MTA3: variants seen among roughly 807,000 people sequenced by gnomAD.
MTA3 encodes the protein metastasis-associated protein MTA3.
Under a neutral mutation model 83.5 loss-of-function variants are expected in MTA3, and 34 were observed. That is an observed-to-expected ratio of 0.41 (90% CI 0.31 to 0.54). MTA3 has a LOEUF of 0.54. Among genes scored for constraint, MTA3 ranks in the 20% least tolerant of loss-of-function variants. The pLI is 0.33. For missense variants in MTA3, 761 were observed against 726.4 expected (o/e 1.05, Z -0.55); for synonymous variants, 303 against 252.7 (o/e 1.20, Z -1.89).
chr2:42,656,385 T>A, intron 7 of MTA3, 83 bp downstream of exon 7: 1 of 801,962 alleles, frequency 1.2e-6, no homozygotes, highest in Non-Finnish European at 1.9e-6. Context: ...TATTTCTTTG[T>A]ATTCTGCTTT....
chr2:42,526,145 C>G (rs1041227729), intron 2 of MTA3, among the ~76,000 whole-genome samples: 3 of 152,140 alleles, frequency 2.0e-5, no homozygotes, highest in African/African-American at 7.2e-5. Flanking sequence ...TCCCAAGAGT[C>G]CCATCACCCA....
intron 2 of MTA3, among the ~76,000 whole-genome samples, chr2:42,563,626 C>T (rs898316900): frequency 6.6e-6 from 1 of 151,858 alleles, no homozygotes; most frequent in African/African-American, 2.4e-5. Flanking sequence ...GCCACCACAC[C>T]CAGCTAATGT....
chr2:42,729,094 T>TTTTTTTTG lies in MTA3; in HGVS notation c.1759+6066_1759+6067insGTTTTTTT, dbSNP rs1558626021. The stretch of plus-strand genomic sequence containing the variant: ...TTAGTTTCACAGTTTGAGTTTTTTT[T>TTTTTTTTG]TTTTTTTTTTTTTTTTTTTCACAGA... On this transcript the variant is annotated intron_variant, in intron 16 of 16. Transcript: ENST00000405094. 1.5e-4 allele frequency among the ~76,000 whole-genome samples: 18 copies of TTTTTTTTG among 118,834 alleles called. 1 individual carries two copies. The highest frequency in any genetic ancestry group is 3.0e-4 in the South Asian group (1 of 3,284). 78.0% of individuals were successfully genotyped at this position (118,834 alleles called of 152,430 possible). A position where few individuals can be genotyped will look rare whatever the true frequency, so the allele number is the denominator to read the frequency against.
At chr2:42,672,869 C>T (rs1187282474) in intron 8 of MTA3, among the ~76,000 whole-genome samples, 1 of 130,902 alleles carries the variant, frequency 7.6e-6, no homozygotes, top group African/African-American at 2.9e-5. Context: ...TTTTTTGAGA[C>T]GGAGTCTGCC....
chr2:42,664,630 C>T (rs369793082), intron 8 of MTA3, among the ~76,000 whole-genome samples: 20 of 151,976 alleles, frequency 1.3e-4, no homozygotes, highest in African/African-American at 3.1e-4. Flanking sequence ...TACAGGCGTC[C>T]GCCACCACTG....
At chr2:42,662,826 G>T (rs1161605567) in intron 8 of MTA3, among the ~76,000 whole-genome samples, 1 of 151,778 alleles carries the variant, frequency 6.6e-6, no homozygotes, top group Non-Finnish European at 1.5e-5. Context: ...CCGCTTCCCG[G>T]GTTCAAGTGA....
intron 8 of MTA3, among the ~76,000 whole-genome samples, chr2:42,670,744 C>CTATATA (rs34128430): frequency 1.1e-3 from 161 of 146,046 alleles, no homozygotes; most frequent in Middle Eastern, 3.5e-3. Flanking sequence ...AACTCTAACA[C>CTATATA]TATATATATA....
chr2:42,539,404 A>G (rs1676420607), intron 2 of MTA3, among the ~76,000 whole-genome samples: 2 of 151,910 alleles, frequency 1.3e-5, no homozygotes, highest in Admixed American at 1.3e-4. Context: ...GCCCCTTATA[A>G]AATCATCAGA....
chr2:42,594,697 TAAATATAC>T (rs1233192303), intron 3 of MTA3, among the ~76,000 whole-genome samples: 15 of 82,704 alleles, frequency 1.8e-4, no homozygotes, highest in Non-Finnish European at 3.3e-4. Flanking sequence ...TATACATATA[TAAATATAC>T]ATATATATAT....
chr2:42,570,973 A>G (rs531626033), intron 2 of MTA3, among the ~76,000 whole-genome samples: 24 of 152,124 alleles, frequency 1.6e-4, no homozygotes, highest in Admixed American at 3.3e-4. Flanking sequence ...AGATTGTGCA[A>G]TTGCACCCTA....
At chr2:42,503,437 C>T (rs1572889132) in intron 2 of MTA3, among the ~76,000 whole-genome samples, 1 of 152,120 alleles carries the variant, frequency 6.6e-6, no homozygotes, top group African/African-American at 2.4e-5. Flanking sequence ...CTATCTCAAC[C>T]TGTGACTAAG....
chr2:42,623,950 G>A (rs1026059343), intron 4 of MTA3, among the ~76,000 whole-genome samples: 1 of 152,102 alleles, frequency 6.6e-6, no homozygotes, highest in Admixed American at 6.6e-5. Context: ...GACCTTAGGT[G>A]TGATCCACCC....
At chr2:42,585,120 C>G (rs1226466159) in intron 3 of MTA3, among the ~76,000 whole-genome samples, 1 of 151,678 alleles carries the variant, frequency 6.6e-6, no homozygotes, top group Non-Finnish European at 1.5e-5. Flanking sequence ...CAGAGTTTCG[C>G]TCTTGTTGCC....
At chr2:42,634,468 G>A (rs1382331603) in intron 4 of MTA3, among the ~76,000 whole-genome samples, 2 of 152,150 alleles carry the variant, frequency 1.3e-5, no homozygotes, top group African/African-American at 4.8e-5. Context: ...GAGAGAAGGA[G>A]AAGGAGGAAC....
At chr2:42,727,963 A>G (rs1330189647) in intron 16 of MTA3, among the ~76,000 whole-genome samples, 1 of 152,092 alleles carries the variant, frequency 6.6e-6, no homozygotes, top group Admixed American at 6.5e-5. Flanking sequence ...AGACAGTGCA[A>G]TTTTACTCTT....
At chr2:42,654,225 C>T (rs899682629) in intron 6 of MTA3, among the ~76,000 whole-genome samples, 1 of 152,186 alleles carries the variant, frequency 6.6e-6, no homozygotes, top group South Asian at 2.1e-4. Flanking sequence ...TTTAACCTAA[C>T]AACAGTGGCC....
chr2:42,714,975 C>T (rs1014002145), intron 14 of MTA3, among the ~76,000 whole-genome samples: 1 of 152,162 alleles, frequency 6.6e-6, no homozygotes, highest in South Asian at 2.1e-4. Flanking sequence ...GGCTTGGGGA[C>T]CCCTGCTCTA....
At position 42,511,671 on chromosome 2, in the gene MTA3, G is replaced by A. The variant is rs35606075; in HGVS notation, c.-141+16417G>A. The A allele has an allele frequency of 2.6e-3, 397 of 152,444 alleles. 3 individuals carry two copies. Among genetic ancestry groups the A allele is most frequent in the Non-Finnish European group, 4.5e-3 (308 of 68,178 alleles). The allele number at this position is 152,444 out of a possible 1,614,324, so 9.4% of individuals were successfully genotyped here. A position where few individuals can be genotyped will look rare whatever the true frequency, so the allele number is the denominator to read the frequency against. On this transcript the variant is annotated intron_variant, in intron 2 of 17. Coordinates refer to the MTA3 transcript ENST00000405592. ...GCAGAGGTTGCAGTGAGCCAAGATC[G>A]CCCGTTGTACTCCAGCCTGGGCAAC... is the stretch of plus-strand genomic sequence containing the variant.
intron 2 of MTA3, among the ~76,000 whole-genome samples, chr2:42,544,604 G>T (rs1450421238): frequency 2.0e-5 from 3 of 149,486 alleles, no homozygotes; most frequent in African/African-American, 7.4e-5. Context: ...GGCCAGGCTG[G>T]TCTCAAACTC....
Sources: allele counts gnomAD v4.1 joint callset (sites outside exome capture counted in the v4.1 genomes callset), GRCh38; gene constraint gnomAD v4.1.1; transcripts MANE v1.5; gene names NCBI Gene and HGNC (gene_info 2026-07-23, HGNC 2026-07-21).